RNF17: variants seen among roughly 807,000 people sequenced by gnomAD.
RNF17 encodes the protein ring finger protein 17, also known as spermatogenesis associated 23.
Under a neutral mutation model 200.5 loss-of-function variants are expected in RNF17, and 31 were observed. That is an observed-to-expected ratio of 0.15 (90% confidence interval 0.12 to 0.21). The LOEUF (loss-of-function observed/expected upper bound fraction) is 0.21, where lower values mean the gene tolerates loss of function less well. Ranked by LOEUF, RNF17 falls within the 10% of genes least tolerant of loss-of-function variation. RNF17 has a pLI of 1.00. For missense variants in RNF17, 1,628 were observed against 1,905.1 expected, an observed-to-expected ratio of 0.85 and a Z score of 2.71; for synonymous variants, 606 against 637.8, an observed-to-expected ratio of 0.95 and a Z score of 0.75.
intron 8 of RNF17, 59 bp downstream of exon 8, chr13:24,789,483 T>C (rs563615550): frequency 8.3e-7 from 1 of 1,205,004 alleles, no homozygotes; most frequent in African/African-American, 1.5e-5. Context: ...GGAACTTAAA[T>C]GTATTAAAAT....
At chr13:24,760,302 A>G (rs1388795698), upstream of RNF17, among the ~76,000 whole-genome samples, 1 of 152,216 alleles carries the variant, frequency 6.6e-6, no homozygotes, top group Non-Finnish European at 1.5e-5. Flanking sequence ...TCCAACGGGG[A>G]AAATAAACTT....
At chr13:24,756,536 T>C in the RNF17 span, among the ~76,000 whole-genome samples, 1 of 152,146 alleles carries the variant, frequency 6.6e-6, no homozygotes, top group East Asian at 1.9e-4. Flanking sequence ...TTACTTAGTT[T>C]ACATACATTT....
chr13:24,827,569 G>T (rs1449654167), intron 16 of RNF17, among the ~76,000 whole-genome samples: 2 of 151,000 alleles, frequency 1.3e-5, no homozygotes, highest in Non-Finnish European at 3.0e-5. Flanking sequence ...GGGCGTAGTG[G>T]CGGGCGCCTG....
chr13:24,866,649 G>A (rs115130075), intron 30 of RNF17, among the ~76,000 whole-genome samples: 340 of 152,322 alleles, frequency 2.2e-3, no homozygotes, highest in African/African-American at 8.0e-3. Flanking sequence ...TTGTATGGAT[G>A]TATTTTGTTT....
chr13:24,814,539 T>G (rs1037020382), intron 15 of RNF17, among the ~76,000 whole-genome samples: 26 of 152,226 alleles, frequency 1.7e-4, no homozygotes, highest in African/African-American at 6.3e-4. Context: ...TTTGAGTTAA[T>G]TTTGTACAAA....
chr13:24,885,658 C>T, the RNF17 span: 4 of 1,612,124 alleles, frequency 2.5e-6, no homozygotes, highest in East Asian at 2.2e-5. Context: ...CTTGGATCTT[C>T]GAGGTGGATT....
chr13:24,827,577 C>T (rs912693466), intron 16 of RNF17, among the ~76,000 whole-genome samples: 3 of 150,968 alleles, frequency 2.0e-5, no homozygotes, highest in Non-Finnish European at 4.4e-5. Flanking sequence ...TGGCGGGCGC[C>T]TGTAGTCCCA....
At position 24,764,888 on chromosome 13, in the gene RNF17, G is replaced by GGGGGGTGTGTGT. The variant is rs899352115; in HGVS notation, c.130+556_130+557insGGGGTGTGTGTG. On this transcript the variant is annotated intron_variant, in intron 1 of 35. Coordinates refer to ENST00000255324, the MANE Select transcript of RNF17 (RefSeq NM_031277.3). ...ATAGTTTCTTTTGTGCACCTTGTGG[G>GGGGGGTGTGTGT]GTGTGTGTGTGTGTGTGTGTGTGTG... Among the ~76,000 whole-genome samples the GGGGGGTGTGTGT allele has an allele frequency of 2.0e-4, 27 of 134,174 alleles. 1 individual carries two copies. The East Asian group carries it at 3.9e-3, about 19-fold the overall frequency. The allele number at this position is 134,174 out of a possible 152,430, so 88.0% of individuals were successfully genotyped here.
At chr13:24,770,658 G>A (rs1256485035) in intron 2 of RNF17, among the ~76,000 whole-genome samples, 2 of 152,122 alleles carry the variant, frequency 1.3e-5, no homozygotes, top group African/African-American at 2.4e-5. Flanking sequence ...ATGGTTTTAA[G>A]TACATAATAC....
At chr13:24,767,448 T>C in intron 2 of RNF17, 82 bp downstream of exon 2, 1 of 1,015,320 alleles carries the variant, frequency 9.8e-7, no homozygotes, top group Non-Finnish European at 1.5e-6. Flanking sequence ...AACGTACTTC[T>C]AGTTAGAAAC....
intron 2 of RNF17, among the ~76,000 whole-genome samples, chr13:24,772,478 G>A (rs1242498855): frequency 3.0e-5 from 4 of 134,878 alleles, no homozygotes; most frequent in African/African-American, 5.8e-5. Context: ...AGCCAGGTGC[G>A]ATTTTTTAAA....
At chr13:24,861,097 T>C (rs1293089772) in intron 26 of RNF17, among the ~76,000 whole-genome samples, 171 bp from the exon 27 acceptor site, 1 of 152,124 alleles carries the variant, frequency 6.6e-6, no homozygotes, top group Non-Finnish European at 1.5e-5. Flanking sequence ...AAGGCTGGTC[T>C]CAAACTCCTG....
chr13:24,871,571 C>A (rs1353431171), intron 32 of RNF17, among the ~76,000 whole-genome samples: 1 of 151,292 alleles, frequency 6.6e-6, no homozygotes, highest in African/African-American at 2.4e-5. Flanking sequence ...CTCCTGACCT[C>A]AAGTGAACCG....
At position 24,870,938 on chromosome 13, in the gene RNF17, C is replaced by T. The variant is rs531848133; in HGVS notation, c.4447+199C>T. ...TAGATAAGGAAGGTGAACTAAGAGA[C>T]GCTAAGTAAACTCCCTTGGAGAACA... On this transcript the variant is annotated intron_variant, in intron 32 of 35. Coordinates refer to ENST00000255324, the MANE Select transcript of RNF17 (RefSeq NM_031277.3). Among the ~76,000 whole-genome samples, 99 of 152,288 alleles carry T rather than the reference C, an allele frequency of 6.5e-4. No individual in the cohort carries two copies. In the Middle Eastern group the frequency reaches 0.01, roughly 16 times the overall value.
chr13:24,874,994 A>G (rs1894704600), intron 33 of RNF17, among the ~76,000 whole-genome samples: 1 of 152,206 alleles, frequency 6.6e-6, no homozygotes. Context: ...TTAAAGATTC[A>G]TTCATGTTGT....
the RNF17 span, among the ~76,000 whole-genome samples, chr13:24,887,587 T>TA: frequency 6.6e-6 from 1 of 152,192 alleles, no homozygotes; most frequent in Non-Finnish European, 1.5e-5. Context: ...TGGGACCATC[T>TA]AATTGCAGGA....
In RNF17 at chr13:24,799,602, A is replaced by G. The variant is rs1026563272; in HGVS notation, c.1589+18A>G. ...GTCACTGGGTATGATATTTTATAAT[A>G]TGTATCCTTGGCCTGCTTAGAAACA... is the stretch of plus-strand genomic sequence containing the variant. On this transcript the variant is annotated intron_variant, in intron 12 of 35. Transcript: ENST00000255324. 2 of 1,515,900 alleles carry G rather than the reference A, an allele frequency of 1.3e-6. No individual in the cohort carries two copies. The highest frequency in any genetic ancestry group is 1.8e-6 in the Non-Finnish European group (2 of 1,099,854). 93.9% of individuals were successfully genotyped at this position (1,515,900 alleles called of 1,614,324 possible). A position where few individuals can be genotyped will look rare whatever the true frequency, so the allele number is the denominator to read the frequency against.
chr13:24,878,261 T>C (rs9551160), intron 34 of RNF17, among the ~76,000 whole-genome samples: 21,894 of 152,278 alleles, frequency 0.14, 1,790 homozygotes, highest in East Asian at 0.34. Flanking sequence ...CTATTGCATG[T>C]GCAGAGTGGT....
At chr13:24,770,311 A>G (rs1880479003) in intron 2 of RNF17, among the ~76,000 whole-genome samples, 1 of 152,168 alleles carries the variant, frequency 6.6e-6, no homozygotes, top group South Asian at 2.1e-4. Context: ...ACCATCATAA[A>G]TAAAATTTAA....
Sources: allele counts gnomAD v4.1 joint callset (sites outside exome capture counted in the v4.1 genomes callset), GRCh38; gene constraint gnomAD v4.1.1; transcripts MANE v1.5; gene names NCBI Gene and HGNC (gene_info 2026-07-23, HGNC 2026-07-21).